The following CTNNA2 variants were observed in gnomAD, a reference collection of about 807,000 sequenced individuals.
CTNNA2 encodes the protein catenin alpha 2, also known as catenin alpha-2.
In CTNNA2, 42 loss-of-function variants were observed where a neutral mutation model predicts 101.0. The ratio of observed to expected loss-of-function variants is 0.42; its 90% CI spans 0.32 to 0.54. CTNNA2 has a LOEUF of 0.54. CTNNA2 is among the 20% of genes least tolerant of loss of function. CTNNA2 has a pLI of 0.14. For synonymous variants in CTNNA2, 450 were observed against 456.4 expected, an observed-to-expected ratio of 0.99 and a Z score of 0.18; for missense variants, 871 against 1,223.1, an observed-to-expected ratio of 0.71 and a Z score of 4.29.
intron 7 of CTNNA2, among the ~76,000 whole-genome samples, chr2:80,242,126 T>C (rs1670986127): frequency 6.6e-6 from 1 of 152,194 alleles, no homozygotes; most frequent in South Asian, 2.1e-4. Context: ...AAGAGAGAAA[T>C]AATACCAAGT....
At chr2:79,724,245 T>C (rs1042159385) in intron 2 of CTNNA2, among the ~76,000 whole-genome samples, 20 of 151,204 alleles carry the variant, frequency 1.3e-4, no homozygotes, top group African/African-American at 4.6e-4. Flanking sequence ...TGCTTGTTCA[T>C]ATTGTGACAA....
At chr2:79,345,851 C>T (rs1441111878) in intron 3 of CTNNA2, among the ~76,000 whole-genome samples, 2 of 144,240 alleles carry the variant, frequency 1.4e-5, no homozygotes, top group Non-Finnish European at 3.0e-5. Flanking sequence ...AGCCATCACG[C>T]CCGGTTGATT....
At chr2:79,223,625 C>A (rs1009634595) in intron 2 of CTNNA2, among the ~76,000 whole-genome samples, 2 of 152,142 alleles carry the variant, frequency 1.3e-5, no homozygotes, top group African/African-American at 4.8e-5. Flanking sequence ...TGCTAATTGC[C>A]CCTATATCCA....
rs565829225 is a variant in CTNNA2 at position 79,941,778 on chromosome 2, C to G, written c.1056+31981C>G. 6.2e-4 allele frequency among the ~76,000 whole-genome samples: 95 copies of G among 152,108 alleles called. 4 individuals carry two copies. In the South Asian group the frequency reaches 0.019, roughly 31 times the overall value. On this transcript the variant is annotated intron_variant, in intron 7 of 18. Coordinates refer to ENST00000402739, the MANE Select transcript of CTNNA2 (RefSeq NM_001282597.3). ...GGATTACAGGCATCTACCACCATGCCGGGCTAATTTTTGTATTTGCAGTAG... is the reference window on the plus strand; with the variant it reads ...GGATTACAGGCATCTACCACCATGCGGGGCTAATTTTTGTATTTGCAGTAG...
chr2:79,692,788 C>G (rs999172721), intron 2 of CTNNA2, among the ~76,000 whole-genome samples: 1 of 149,126 alleles, frequency 6.7e-6, no homozygotes, highest in African/African-American at 2.5e-5. Flanking sequence ...AAACCAAACA[C>G]CACATGTTCT....
rs533960808 is a variant in CTNNA2, at chr2:80,166,464, G to A, written c.1057-226747G>A. On this transcript the variant is annotated intron_variant, in intron 7 of 18. Transcript: ENST00000402739. ...GCTGGGTTGCTGAACACATGGAGGG[G>A]TTGGGAGGATGGTGTGTTTGGAAAG... Among the ~76,000 whole-genome samples, 88 of 152,302 alleles carry A rather than the reference G, an allele frequency of 5.8e-4. 2 individuals are homozygous for A. In the South Asian group the frequency reaches 0.018, roughly 31 times the overall value.
chr2:80,498,214 A>G (rs971097091), intron 9 of CTNNA2, among the ~76,000 whole-genome samples: 21 of 152,164 alleles, frequency 1.4e-4, no homozygotes, highest in Non-Finnish European at 2.5e-4. Context: ...TCCGCCTCCC[A>G]TTATCACAGA....
At chr2:79,377,833 T>G (rs1441212708) in intron 4 of CTNNA2, among the ~76,000 whole-genome samples, 1 of 152,180 alleles carries the variant, frequency 6.6e-6, no homozygotes, top group African/African-American at 2.4e-5. Context: ...CCCTTTCTTA[T>G]CTGATGCAAA....
chr2:80,311,733 T>C (rs1032012746), intron 7 of CTNNA2, among the ~76,000 whole-genome samples: 4 of 152,264 alleles, frequency 2.6e-5, no homozygotes, highest in African/African-American at 9.6e-5. Flanking sequence ...CTGTTGTTCC[T>C]GTTTCACTCT....
chr2:79,876,410 T>C (rs1489241125), intron 6 of CTNNA2, among the ~76,000 whole-genome samples: 1 of 152,240 alleles, frequency 6.6e-6, no homozygotes, highest in Non-Finnish European at 1.5e-5. Flanking sequence ...AAATACAAAA[T>C]TATTTTATAA....
Position 79,523,548 on chromosome 2 carries a change from A to G in CTNNA2, c.-6+10341A>G, listed in dbSNP as rs536165801. 8.5e-5 allele frequency among the ~76,000 whole-genome samples: 13 copies of G among 152,282 alleles called. 1 individual carries two copies. Among genetic ancestry groups the G allele is most frequent in the African/African-American group, 2.4e-4 (10 of 41,556 alleles). On this transcript the variant is annotated intron_variant, in intron 1 of 18. Transcript: ENST00000402739. The stretch of plus-strand genomic sequence containing the variant: ...TTGTGCTATTATGCTATTTCAAACA[A>G]TGCTAAGATGAACATCCTTATACAG...
chr2:80,589,452 G>T lies in CTNNA2; in HGVS notation c.2156G>T (p.Cys719Phe). Residue 719 changes from cysteine (C) to phenylalanine (F), a missense_variant, in exon 15 of 19, where the codon TGT becomes TTT. Coordinates refer to ENST00000402739, the MANE Select transcript of CTNNA2 (RefSeq NM_001282597.3). ...NDIIVLAKQM[C>F]MIMMEMTDFT... is the part of the protein sequence containing the mutation. ...ATCATTGTACTGGCCAAGCAGATGT[G>T]TATGATCATGATGGAAATGACAGAC... 1 of 1,614,004 alleles carries T rather than the reference G, an allele frequency of 6.2e-7. No homozygotes were observed.
At chr2:79,564,387 A>G (rs1229991283) in intron 1 of CTNNA2, among the ~76,000 whole-genome samples, 4 of 152,076 alleles carry the variant, frequency 2.6e-5, no homozygotes, top group African/African-American at 9.7e-5. Context: ...ACTGCGTATT[A>G]GTGGAACGCT....
chr2:79,256,152 AC>A (rs1674841224), intron 2 of CTNNA2, among the ~76,000 whole-genome samples: 2 of 152,228 alleles, frequency 1.3e-5, no homozygotes, highest in African/African-American at 4.8e-5. Flanking sequence ...TGAAGGGAAG[AC>A]AAAGGAGATG....
chr2:79,965,193 C>T (rs927907146), intron 7 of CTNNA2, among the ~76,000 whole-genome samples: 1 of 152,102 alleles, frequency 6.6e-6, no homozygotes, highest in African/African-American at 2.4e-5. Context: ...TGGGAGGGCA[C>T]CCGCTAAAAG....
At chr2:80,605,299 C>G (rs1233977031) in intron 16 of CTNNA2, 1 of 151,924 alleles carries the variant, frequency 6.6e-6, no homozygotes, top group East Asian at 1.9e-4. Flanking sequence ...AGGTAACTAA[C>G]AGTTATCCCT....
intron 18 of CTNNA2, among the ~76,000 whole-genome samples, chr2:80,630,845 A>G (rs1458740437): frequency 5.3e-5 from 8 of 152,180 alleles, no homozygotes; most frequent in Non-Finnish European, 1.0e-4. Flanking sequence ...TAACTCTGCC[A>G]TGTTGAAATT....
chr2:80,247,540 T>C (rs113872383), intron 7 of CTNNA2, among the ~76,000 whole-genome samples: 1 of 152,300 alleles, frequency 6.6e-6, no homozygotes, highest in African/African-American at 2.4e-5. Context: ...GTAGCTTATC[T>C]CCAACAAGTC....
At chr2:79,451,723 T>C (rs1670752472) in intron 4 of CTNNA2, among the ~76,000 whole-genome samples, 1 of 151,418 alleles carries the variant, frequency 6.6e-6, no homozygotes, top group Admixed American at 6.6e-5. Context: ...TTTTTTGTCT[T>C]TAAATATCAT....
Sources: gnomAD v4.1 joint callset for allele counts (sites outside exome capture counted in the v4.1 genomes callset) on GRCh38, gnomAD v4.1.1 for gene constraint, MANE v1.5 for transcripts, NCBI Gene and HGNC (gene_info 2026-07-23, HGNC 2026-07-21) for gene names.